CYP2C19: variants seen among roughly 807,000 people sequenced by gnomAD.
CYP2C19 encodes cytochrome P450 family 2 subfamily C member 19.
CYP2C19 carries 59 observed loss-of-function variants against 40.9 expected under a neutral mutation model. The observed-to-expected ratio is 1.44, with a 90% CI of 1.17 to 1.79. CYP2C19 has a LOEUF of 1.79. Among genes scored for constraint, CYP2C19 ranks in the 40% most tolerant of loss-of-function variants. The pLI is 0.00. For missense variants in CYP2C19, 754 were observed against 596.9 expected (o/e 1.26, Z -2.74); for synonymous variants, 253 against 208.7 (o/e 1.21, Z -1.83).
chr10:94,782,372 G>A (rs1848490501), intron 5 of CYP2C19, among the ~76,000 whole-genome samples: 1 of 151,828 alleles, frequency 6.6e-6, no homozygotes, highest in Non-Finnish European at 1.5e-5. Flanking sequence ...CTTTTCAAAA[G>A]AAGTCATTGG....
rs138112316 is a variant in CYP2C19 at position 94,852,766 on chromosome 10, G to A, written c.1325G>A (p.Arg442His). Reference protein sequence around the residue: ...KRICVGEGLARMELFLFLTFI... With the variant: ...KRICVGEGLAHMELFLFLTFI... ...ATTTGTGTGGGAGAGGGCCTGGCCC[G>A]CATGGAGCTGTTTTTATTCCTGACC... The change falls in exon 9 of 9, where the codon CGC becomes CAC. Residue 442 changes from arginine (R) to histidine (H), a missense_variant. Coordinates refer to ENST00000371321, the MANE Select transcript of CYP2C19 (RefSeq NM_000769.4). The A allele has an allele frequency of 2.2e-5, 36 of 1,613,876 alleles. No individual in the cohort carries two copies. Among genetic ancestry groups the A allele is most frequent in the Admixed American group, 1.2e-4 (7 of 59,976 alleles).
At chr10:94,795,745 T>A (rs1564667551) in intron 5 of CYP2C19, among the ~76,000 whole-genome samples, 1 of 152,228 alleles carries the variant, frequency 6.6e-6, no homozygotes, top group African/African-American at 2.4e-5. Flanking sequence ...TGCAGTTCTC[T>A]GATGGCCAAT....
intron 3 of CYP2C19, among the ~76,000 whole-genome samples, chr10:94,778,257 G>A (rs1272835029): frequency 6.6e-6 from 1 of 152,142 alleles, no homozygotes; most frequent in African/African-American, 2.4e-5. Context: ...AAACAAGCCT[G>A]TTCAAGATGA....
At chr10:94,816,261 T>C (rs1391207122) in intron 5 of CYP2C19, among the ~76,000 whole-genome samples, 1 of 150,252 alleles carries the variant, frequency 6.7e-6, no homozygotes, top group Non-Finnish European at 1.5e-5. Flanking sequence ...TTTTTCTTTA[T>C]TTTTATTTTT....
chr10:94,763,159 A>G (rs1848195997), intron 1 of CYP2C19, among the ~76,000 whole-genome samples: 1 of 152,214 alleles, frequency 6.6e-6, no homozygotes, highest in African/African-American at 2.4e-5. Context: ...GCCATTTGCT[A>G]GAATTTTTGG....
chr10:94,791,477 T>G (rs1158258634), intron 5 of CYP2C19, among the ~76,000 whole-genome samples: 1 of 152,170 alleles, frequency 6.6e-6, no homozygotes, highest in Non-Finnish European at 1.5e-5. Flanking sequence ...AATTTAGACC[T>G]TTCCTGCTTT....
intron 5 of CYP2C19, among the ~76,000 whole-genome samples, chr10:94,800,084 T>G (rs1239846317): frequency 3.3e-5 from 5 of 152,220 alleles, no homozygotes; most frequent in Admixed American, 2.0e-4. Flanking sequence ...GGAGAGGCAC[T>G]CTGGTTTTTA....
chr10:94,807,837 G>A (rs1048003039), intron 5 of CYP2C19, among the ~76,000 whole-genome samples: 3 of 151,928 alleles, frequency 2.0e-5, no homozygotes, highest in South Asian at 2.1e-4. Context: ...CATTCTTCAG[G>A]TTGTCTTTCC....
At chr10:94,793,741 C>T (rs1020575923) in intron 5 of CYP2C19, among the ~76,000 whole-genome samples, 7 of 152,078 alleles carry the variant, frequency 4.6e-5, no homozygotes, top group Admixed American at 6.6e-5. Context: ...AAAGGAGCAC[C>T]GGGCTGTATG....
intron 5 of CYP2C19, among the ~76,000 whole-genome samples, chr10:94,801,108 G>C (rs1191194611): frequency 6.6e-6 from 1 of 152,166 alleles, no homozygotes; most frequent in Non-Finnish European, 1.5e-5. Flanking sequence ...CCTCAATCAT[G>C]CTGGGAGCTG....
Position 94,832,236 on chromosome 10 carries a change from G to A in CYP2C19, c.962-10601G>A, listed in dbSNP as rs138326819. On this transcript the variant is annotated intron_variant, in intron 6 of 8. Coordinates refer to ENST00000371321, the MANE Select transcript of CYP2C19 (RefSeq NM_000769.4). ...TTCTAATAAAGCCATACACAAGACCGGGTAATTTATAAAGGGAAGATGTTT... is the reference window on the plus strand; with the variant it reads ...TTCTAATAAAGCCATACACAAGACCAGGTAATTTATAAAGGGAAGATGTTT... 3.2e-3 allele frequency among the ~76,000 whole-genome samples: 487 copies of A among 152,220 alleles called. 3 individuals carry two copies. The highest frequency in any genetic ancestry group is 0.011 in the African/African-American group (456 of 41,528).
At chr10:94,792,969 T>A (rs1848624044) in intron 5 of CYP2C19, among the ~76,000 whole-genome samples, 1 of 152,162 alleles carries the variant, frequency 6.6e-6, no homozygotes, top group Admixed American at 6.5e-5. Context: ...GGTTCCATTC[T>A]CCCCATCACT....
chr10:94,832,249 A>G (rs1385043849), intron 6 of CYP2C19, among the ~76,000 whole-genome samples: 1 of 152,204 alleles, frequency 6.6e-6, no homozygotes, highest in Non-Finnish European at 1.5e-5. Context: ...TAATTTATAA[A>G]GGGAAGATGT....
At chr10:94,818,779 G>A (rs969962159) in intron 5 of CYP2C19, among the ~76,000 whole-genome samples, 1 of 150,252 alleles carries the variant, frequency 6.7e-6, no homozygotes, top group African/African-American at 2.4e-5. Flanking sequence ...ATCAGCTTAA[G>A]GAGATTTTGG....
chr10:94,770,949 G>C (rs1456679242), intron 1 of CYP2C19, among the ~76,000 whole-genome samples: 1 of 152,088 alleles, frequency 6.6e-6, no homozygotes, highest in Non-Finnish European at 1.5e-5. Context: ...TAAGATACTA[G>C]GTCTCTCCAA....
At chr10:94,841,265 C>T (rs1376047075) in intron 6 of CYP2C19, among the ~76,000 whole-genome samples, 1 of 152,184 alleles carries the variant, frequency 6.6e-6, no homozygotes, top group Non-Finnish European at 1.5e-5. Flanking sequence ...AGGCACTTAG[C>T]CATGCAGGAA....
At chr10:94,837,213 T>TA (rs2134282492) in intron 6 of CYP2C19, among the ~76,000 whole-genome samples, 1 of 152,288 alleles carries the variant, frequency 6.6e-6, no homozygotes, top group African/African-American at 2.4e-5. Flanking sequence ...TCTGTACTCC[T>TA]AAAATTGGAG....
intron 1 of CYP2C19, among the ~76,000 whole-genome samples, chr10:94,767,552 G>A (rs1848263328): frequency 6.6e-6 from 1 of 152,154 alleles, no homozygotes; most frequent in East Asian, 1.9e-4. Context: ...TCCTCTCCAG[G>A]ATAGTGACCT....
At chr10:94,820,688 G>A (rs1161080749) in intron 6 of CYP2C19, 51 bp downstream of exon 6, 19 of 1,607,728 alleles carry the variant, frequency 1.2e-5, no homozygotes, top group Non-Finnish European at 1.4e-5. Flanking sequence ...ATGTTGGGAA[G>A]GTGCTGCTAG....
Sources: allele counts gnomAD v4.1 joint callset (sites outside exome capture counted in the v4.1 genomes callset), GRCh38; gene constraint gnomAD v4.1.1; transcripts MANE v1.5; gene names NCBI Gene and HGNC (gene_info 2026-07-23, HGNC 2026-07-21).